Variants in CEP131 observed in about 807,000 individuals in gnomAD.
The protein encoded by CEP131 is centrosomal protein 131.
Under a neutral mutation model 136.8 loss-of-function variants are expected in CEP131, and 99 were observed. The observed-to-expected ratio is 0.72, with a 90% CI of 0.62 to 0.86. The LOEUF (loss-of-function observed/expected upper bound fraction) is 0.86, where lower values mean the gene tolerates loss of function less well. CEP131 is among the 40% of genes least tolerant of loss of function. CEP131 has a pLI of 0.00. For missense variants in CEP131, 1,459 were observed against 1,463.0 expected (o/e 1.00, Z 0.04); for synonymous variants, 646 against 612.7 (o/e 1.05, Z -0.80).
At position 81,200,622 on chromosome 17, in the gene CEP131, G is replaced by A. The variant is rs1443152515; in HGVS notation, c.789-176C>T. The stretch of plus-strand genomic sequence containing the variant: ...CCATTTTCACATGGCAGGACCAGCC[G>A]CCTGGACCAGCTCCACTAAAACCCA... On this transcript the variant is annotated intron_variant, in intron 7 of 25. Coordinates refer to ENST00000450824, the MANE Select transcript of CEP131 (RefSeq NM_014984.4). 5.3e-5 allele frequency among the ~76,000 whole-genome samples: 8 copies of A among 152,320 alleles called. No homozygotes were observed. In the East Asian group the frequency reaches 1.3e-3, roughly 26 times the overall value.
intron 19 of CEP131, 22 bp downstream of exon 19, chr17:81,192,714 G>A (rs2146497255): frequency 6.6e-7 from 1 of 1,520,642 alleles, no homozygotes; most frequent in Non-Finnish European, 9.0e-7. Flanking sequence ...CTGGGAGAGG[G>A]CGTGGTGCCC....
Position 81,208,713 on chromosome 17 carries a change from G to T in CEP131, c.272+215C>A, listed in dbSNP as rs1316337256. 6.6e-6 allele frequency among the ~76,000 whole-genome samples: 1 copy of T among 152,206 alleles called. No individual in the cohort carries two copies. The highest frequency in any genetic ancestry group is 1.5e-5 in the Non-Finnish European group (1 of 68,036). ...GGAGGAAGGGAGGGATGCAGTGCAG[G>T]AGAGTGTCTGCCTCAGGCCTCCCGC... On this transcript the variant is annotated intron_variant, in intron 3 of 25. Transcript: ENST00000450824. This position sits in a 1 kb window ranked among gnomAD's most constrained non-coding sequence, Gnocchi z 5.6.
intron 15 of CEP131, among the ~76,000 whole-genome samples, chr17:81,196,381 C>T (rs565713818): frequency 2.0e-5 from 3 of 152,306 alleles, no homozygotes; most frequent in East Asian, 1.9e-4. Context: ...GCCCTGGAGG[C>T]CCCTATTCTC....
Position 81,210,455 on chromosome 17 carries a change from A to C in CEP131, c.178-1433T>G, listed in dbSNP as rs1300855418. On this transcript the variant is annotated intron_variant, in intron 2 of 25. Transcript: ENST00000450824. Reference sequence around the variant, plus strand: ...CATAGTGGCGGGTGCCTGTAGTCCCAGCTACTCAGCAGGCTGAGGTAGGGG... The same window carrying C: ...CATAGTGGCGGGTGCCTGTAGTCCCCGCTACTCAGCAGGCTGAGGTAGGGG... Among the ~76,000 whole-genome samples, 3 of 151,972 alleles carry C rather than the reference A, an allele frequency of 2.0e-5. No individual in the cohort carries two copies. In the East Asian group the frequency reaches 5.8e-4, roughly 29 times the overall value.
At chr17:81,192,946 A>G in intron 18 of CEP131, 103 bp from the exon 19 acceptor site, 1 of 1,486,950 alleles carries the variant, frequency 6.7e-7, no homozygotes, top group Non-Finnish European at 8.9e-7. Context: ...TCACAGCTGG[A>G]GAGCAGCCCT....
chr17:81,218,034 C>T (rs1425675744), intron 2 of CEP131, among the ~76,000 whole-genome samples: 23 of 151,254 alleles, frequency 1.5e-4, no homozygotes, highest in African/African-American at 5.6e-4. Context: ...CCTCCCCCTC[C>T]CTCTTTCTTT....
In CEP131 at chr17:81,197,271, A is replaced by G. The variant is rs1567856189; in HGVS notation, c.1648-216T>C. The G allele has an allele frequency of 9.4e-6, 6 of 638,804 alleles. No homozygotes were observed. In the South Asian group the frequency reaches 1.3e-4, roughly 13 times the overall value. The allele number at this position is 638,804 out of a possible 1,614,324, so 39.6% of individuals were successfully genotyped here. A position where few individuals can be genotyped will look rare whatever the true frequency, so the allele number is the denominator to read the frequency against. ...GGGGCCGTGGCCTCAGGAATAAAAA[A>G]CAAACCATTTAAAAAGTTCTATGCT... On this transcript the variant is annotated intron_variant, in intron 13 of 25. Coordinates refer to ENST00000450824, the MANE Select transcript of CEP131 (RefSeq NM_014984.4).
chr17:81,199,653 A>G, intron 9 of CEP131, 66 bp downstream of exon 9: 1 of 1,598,602 alleles, frequency 6.3e-7, no homozygotes, highest in Non-Finnish European at 8.5e-7. Flanking sequence ...AGGGAGCCCC[A>G]GCAGCAGCCC....
chr17:81,193,938 C>T lies in CEP131; in HGVS notation c.2309G>A (p.Arg770His), dbSNP rs1042516010. Residue 770 changes from arginine to histidine, a missense_variant, in exon 18 of 26, where the codon CGT becomes CAT. Physicochemically the swap from Arg to His is conservative, Grantham distance 29 (BLOSUM62 0). Around this residue, in one of 3 missense-constraint regions of CEP131, gnomAD observed 1,026 missense variants for 964.2 expected, o/e 1.06. Transcript: ENST00000450824. ...KEALGQQERE[R>H]ARQRFQQHLE... ...GGCCACCACCCACCGCTGCCGAGCACGTTCGCGCTCCTGCTGGCCCAGCGC... is the reference window on the plus strand; with the variant it reads ...GGCCACCACCCACCGCTGCCGAGCATGTTCGCGCTCCTGCTGGCCCAGCGC... The T allele has an allele frequency of 2.1e-5, 33 of 1,535,972 alleles. No homozygotes were observed. Among genetic ancestry groups the T allele is most frequent in the African/African-American group, 2.8e-5 (2 of 72,542 alleles).
At chr17:81,213,056 G>A (rs773345831) in intron 2 of CEP131, among the ~76,000 whole-genome samples, 2 of 152,244 alleles carry the variant, frequency 1.3e-5, no homozygotes, top group Non-Finnish European at 2.9e-5. Context: ...TAGACAAGAT[G>A]AGGCTGGAGC....
At chr17:81,207,504 C>A (rs1299906092) in intron 3 of CEP131, among the ~76,000 whole-genome samples, 1 of 148,072 alleles carries the variant, frequency 6.8e-6, no homozygotes, top group Admixed American at 6.7e-5. Context: ...TTTGTTTTTT[C>A]TTTTCTTTTT....
Position 81,215,957 on chromosome 17 carries a change from G to A in CEP131, c.177+3923C>T, listed in dbSNP as rs1345218741. Among the ~76,000 whole-genome samples the A allele has an allele frequency of 6.6e-6, 1 of 152,076 alleles. No homozygotes were observed. The highest frequency in any genetic ancestry group is 1.5e-5 in the Non-Finnish European group (1 of 68,020). ...AAGCGGGAGCAGGGTCAGGTGCAGC[G>A]GCCCACACCCGTAATCCCAGCACTT... is the stretch of plus-strand genomic sequence containing the variant. On this transcript the variant is annotated intron_variant, in intron 2 of 25. Coordinates refer to ENST00000450824, the MANE Select transcript of CEP131 (RefSeq NM_014984.4). This position sits in a 1 kb window ranked among gnomAD's most constrained non-coding sequence, Gnocchi z 4.1.
chr17:81,198,800 G>C, intron 11 of CEP131, 77 bp downstream of exon 11: 1 of 1,427,968 alleles, frequency 7.0e-7, no homozygotes, highest in South Asian at 1.2e-5. Flanking sequence ...GAGAAGCTCA[G>C]CTCAGGACAC....
intron 10 of CEP131, 30 bp downstream of exon 10, chr17:81,199,351 A>C: frequency 1.9e-6 from 3 of 1,572,520 alleles, no homozygotes; most frequent in Non-Finnish European, 2.6e-6. Context: ...TCCACCCCCC[A>C]GAGCAGGGCG....
At chr17:81,192,968 C>T in intron 18 of CEP131, 125 bp from the exon 19 acceptor site, 2 of 1,423,516 alleles carry the variant, frequency 1.4e-6, no homozygotes, top group South Asian at 1.4e-5. Flanking sequence ...CGGGGCCCTG[C>T]CCCTCCCCCT....
chr17:81,207,873 CACACCAAACACACCACACACACACAT>C (rs2062040942), intron 3 of CEP131, among the ~76,000 whole-genome samples: 1 of 4,784 alleles, frequency 2.1e-4, no homozygotes, highest in Non-Finnish European at 5.4e-4. Context: ...AGGGTGGTGA[CACACCAAACACACCACACACACACAT>C]ACACCACACA....
chr17:81,208,733 TCCCGC>T lies in CEP131; in HGVS notation c.272+190_272+194del, dbSNP rs754340216. On this transcript the variant is annotated intron_variant, in intron 3 of 25. Coordinates refer to ENST00000450824, the MANE Select transcript of CEP131 (RefSeq NM_014984.4). The surrounding 1 kb of genome is among the most constrained non-coding windows in gnomAD (Gnocchi z 5.6). ...TGCAGGAGAGTGTCTGCCTCAGGCC[TCCCGC>T]CCCAATGCGAGAGGAGGCCTGGGAC... Among the ~76,000 whole-genome samples, 45 of 151,990 alleles carry T rather than the reference TCCCGC, an allele frequency of 3.0e-4. No individual in the cohort carries two copies. The highest frequency in any genetic ancestry group is 5.6e-4 in the Non-Finnish European group (38 of 67,964).
intron 5 of CEP131, among the ~76,000 whole-genome samples, chr17:81,206,041 G>A (rs192261346): frequency 1.7e-3 from 259 of 152,052 alleles, no homozygotes; most frequent in Non-Finnish European, 2.9e-3. Flanking sequence ...CTGTCTCTAC[G>A]AAAAAAATAC....
chr17:81,203,221 C>T lies in CEP131; in HGVS notation c.629+273G>A, dbSNP rs1028994006. 1.3e-5 allele frequency among the ~76,000 whole-genome samples: 2 copies of T among 152,186 alleles called. No individual in the cohort carries two copies. Among genetic ancestry groups the T allele is most frequent in the African/African-American group, 2.4e-5 (1 of 41,462 alleles). Reference sequence around the variant, plus strand: ...CTGTGCCACATCTGGGCTGTTTTCTCTCTGTGGGAAGCTGCCGACCCAAGA... The same window carrying T: ...CTGTGCCACATCTGGGCTGTTTTCTTTCTGTGGGAAGCTGCCGACCCAAGA... On this transcript the variant is annotated intron_variant, in intron 6 of 25. Transcript: ENST00000450824. This position sits in a 1 kb window ranked among gnomAD's most constrained non-coding sequence, Gnocchi z 4.6.
Sources: allele counts gnomAD v4.1 joint callset (sites outside exome capture counted in the v4.1 genomes callset), GRCh38; gene constraint gnomAD v4.1.1; regional missense constraint gnomAD v4.1.1; non-coding constraint Gnocchi (gnomAD v3.1); transcripts MANE v1.5; gene names NCBI Gene and HGNC (gene_info 2026-07-23, HGNC 2026-07-21).